SSR1: variants seen among roughly 807,000 people sequenced by gnomAD.
SSR1 encodes signal sequence receptor subunit 1, also known as translocon-associated protein subunit alpha.
Under a neutral mutation model 36.1 loss-of-function variants are expected in SSR1, and 13 were observed. The ratio of observed to expected loss-of-function variants is 0.36; its 90% CI spans 0.23 to 0.57. The LOEUF is 0.57. SSR1 is among the 20% of genes least tolerant of loss of function. SSR1 has a pLI of 0.81. For missense variants in SSR1, 291 were observed against 338.5 expected (o/e 0.86, Z 1.10); for synonymous variants, 113 against 118.9 (o/e 0.95, Z 0.32).
At position 7,286,060 on chromosome 6, in the gene SSR1, C is replaced by T. The variant is rs192275711; in HGVS notation, c.*3804G>A. ...ACTTAAATTCAGGTTTTGTCTATTC[C>T]ATCTACAAAATGGGAACAGTATCAC... On this transcript the variant is annotated 3_prime_UTR_variant, in exon 8 of 8. Transcript: ENST00000244763. The T allele has an allele frequency of 7.2e-5, 11 of 152,176 alleles. No individual in the cohort carries two copies. The highest frequency in any genetic ancestry group is 5.9e-4 in the Admixed American group (9 of 15,284). 9.4% of individuals were successfully genotyped at this position (152,176 alleles called of 1,614,324 possible).
rs1374188867 is a variant in SSR1 at position 7,284,050 on chromosome 6, C to T, written c.*5814G>A. 1 of 152,166 alleles carries T rather than the reference C, an allele frequency of 6.6e-6. No homozygotes were observed. The highest frequency in any genetic ancestry group is 1.5e-5 in the Non-Finnish European group (1 of 68,028). 9.4% of individuals were successfully genotyped at this position (152,166 alleles called of 1,614,324 possible). On this transcript the variant is annotated 3_prime_UTR_variant, in exon 8 of 8. Coordinates refer to ENST00000244763, the MANE Select transcript of SSR1 (RefSeq NM_003144.5). ...CTTGACCACAGTATTTCTCATTCTCCTTTCTGAAATGCCTCTAGGCCTTAA... is the reference window on the plus strand; with the variant it reads ...CTTGACCACAGTATTTCTCATTCTCTTTTCTGAAATGCCTCTAGGCCTTAA...
chr6:7,291,279 T>A (rs1034161536), intron 7 of SSR1, among the ~76,000 whole-genome samples: 1 of 151,972 alleles, frequency 6.6e-6, no homozygotes, highest in Non-Finnish European at 1.5e-5. Flanking sequence ...ACGCCTGTGA[T>A]CTCAGCTACT....
chr6:7,303,722 G>A (rs1054782169), intron 2 of SSR1, 85 bp from the exon 3 acceptor site: 1 of 1,036,906 alleles, frequency 9.6e-7, no homozygotes, highest in Non-Finnish European at 1.4e-6. Context: ...CGGGCACGGT[G>A]GCTCACACTT....
At chr6:7,302,648 GC>G (rs1374274578) in intron 3 of SSR1, among the ~76,000 whole-genome samples, 3 of 151,938 alleles carry the variant, frequency 2.0e-5, no homozygotes, top group Non-Finnish European at 4.4e-5. Flanking sequence ...TGTAGTCTTG[GC>G]TACTCAGGAG....
At chr6:7,296,212 C>A (rs986767879) in intron 6 of SSR1, among the ~76,000 whole-genome samples, 4 of 151,790 alleles carry the variant, frequency 2.6e-5, no homozygotes, top group Non-Finnish European at 5.9e-5. Flanking sequence ...TAAAAAAAAA[C>A]CCAAGAAACC....
In SSR1 at chr6:7,313,048, G is replaced by A; in HGVS notation, c.73C>T (p.Pro25Ser). 6.2e-7 allele frequency: 1 copy of A among 1,604,504 alleles called. No individual in the cohort carries two copies. The highest frequency in any genetic ancestry group is 2.3e-5 in the East Asian group (1 of 44,280). ...CACACTCCCCCAGCCTCACCTCTGG[G>A]GCCGCCTCGGAACAAGACAGTGGCA... ...FPATVLFRGG[P>S]RGLLAVAQDL... Residue 25 changes from proline to serine, a missense_variant, in exon 1 of 8, where the codon CCC (proline) becomes TCC (serine). Transcript: ENST00000244763.
intron 3 of SSR1, 47 bp downstream of exon 3, chr6:7,303,503 G>A (rs1432367933): frequency 2.4e-5 from 34 of 1,397,458 alleles, no homozygotes; most frequent in Non-Finnish European, 3.1e-5. Context: ...CAAGCTCATC[G>A]TTTTAAAATG....
intron 2 of SSR1, among the ~76,000 whole-genome samples, chr6:7,304,509 GAAGGAAAAAA>G (rs1758008956): frequency 6.7e-6 from 1 of 150,344 alleles, no homozygotes; most frequent in Non-Finnish European, 1.5e-5. Context: ...ACATAATTTT[GAAGGAAAAAA>G]AAAAGAGTGT....
chr6:7,295,889 A>G (rs1757784872), intron 6 of SSR1, among the ~76,000 whole-genome samples: 1 of 152,218 alleles, frequency 6.6e-6, no homozygotes, highest in African/African-American at 2.4e-5. Flanking sequence ...GGTTCATGTT[A>G]TGTACCACTG....
At chr6:7,294,337 G>A (rs1757745068) in intron 7 of SSR1, among the ~76,000 whole-genome samples, 1 of 152,134 alleles carries the variant, frequency 6.6e-6, no homozygotes, top group South Asian at 2.1e-4. Context: ...AAAAACAATA[G>A]GCGTATATGC....
intron 6 of SSR1, among the ~76,000 whole-genome samples, chr6:7,296,726 G>A (rs1757804276): frequency 6.6e-6 from 1 of 151,796 alleles, no homozygotes; most frequent in South Asian, 2.1e-4. Context: ...GGGTGAGTGA[G>A]GGAATGGGGA....
At chr6:7,299,950 T>C (rs2113287017) in intron 4 of SSR1, among the ~76,000 whole-genome samples, 1 of 152,278 alleles carries the variant, frequency 6.6e-6, no homozygotes, top group Non-Finnish European at 1.5e-5. Flanking sequence ...TGCATTCCTC[T>C]ATTGATAATT....
intron 1 of SSR1, among the ~76,000 whole-genome samples, chr6:7,310,659 C>T (rs1758171304): frequency 6.6e-6 from 1 of 152,134 alleles, no homozygotes; most frequent in Non-Finnish European, 1.5e-5. Context: ...GCCTGTAATC[C>T]CAGCACTTTA....
intron 7 of SSR1, among the ~76,000 whole-genome samples, chr6:7,293,143 G>A (rs989852331): frequency 6.6e-6 from 1 of 151,034 alleles, no homozygotes; most frequent in Non-Finnish European, 1.5e-5. Flanking sequence ...CCTGTACTTA[G>A]GTTTGGTATC....
At chr6:7,295,218 C>T (rs1468937688) in intron 7 of SSR1, 174 bp downstream of exon 7, 7 of 1,175,638 alleles carry the variant, frequency 6.0e-6, no homozygotes, top group African/African-American at 4.7e-5. Context: ...AAGAAGACTA[C>T]ACACTGAATA....
chr6:7,302,711 G>A (rs891409738), intron 3 of SSR1, among the ~76,000 whole-genome samples: 8 of 150,996 alleles, frequency 5.3e-5, no homozygotes, highest in African/African-American at 1.7e-4. Context: ...GCAGTGAGCC[G>A]AGATCACACC....
intron 4 of SSR1, among the ~76,000 whole-genome samples, 182 bp downstream of exon 4, chr6:7,301,128 T>C (rs139111501): frequency 1.3e-5 from 2 of 152,316 alleles, no homozygotes; most frequent in African/African-American, 4.8e-5. Context: ...CCTGTTTTCA[T>C]ATGCCTCCCC....
At chr6:7,294,582 T>G (rs1220818713) in intron 7 of SSR1, among the ~76,000 whole-genome samples, 3 of 152,054 alleles carry the variant, frequency 2.0e-5, no homozygotes, top group Non-Finnish European at 4.4e-5. Context: ...TCCCAGCTAC[T>G]TGGGAAGCTG....
chr6:7,313,013 A>G, intron 1 of SSR1, 29 bp downstream of exon 1: 1 of 1,576,544 alleles, frequency 6.3e-7, no homozygotes, highest in Non-Finnish European at 8.6e-7. Flanking sequence ...CTTCCTGGCC[A>G]TCCCCTCCGC....
Sources: allele counts gnomAD v4.1 joint callset (sites outside exome capture counted in the v4.1 genomes callset), GRCh38; gene constraint gnomAD v4.1.1; transcripts MANE v1.5; gene names NCBI Gene and HGNC (gene_info 2026-07-23, HGNC 2026-07-21).